The following CCP110 variants were observed in gnomAD, a reference collection of about 807,000 sequenced individuals.
The protein encoded by CCP110 is centriolar coiled-coil protein of 110 kDa.
Under a neutral mutation model 105.5 loss-of-function variants are expected in CCP110, and 43 were observed. That is an observed-to-expected ratio of 0.41 (90% CI 0.32 to 0.53). The LOEUF (loss-of-function observed/expected upper bound fraction) is 0.53, where lower values mean the gene tolerates loss of function less well. Among genes scored for constraint, CCP110 ranks in the 20% least tolerant of loss-of-function variants. The probability of loss-of-function intolerance (pLI) is 0.32; values close to 1 mark genes in which losing one functional copy is unlikely to be tolerated. For missense variants in CCP110, 1,016 were observed against 1,189.1 expected (o/e 0.85, Z 2.14); for synonymous variants, 353 against 392.1 (o/e 0.90, Z 1.18).
rs1209574697 is a variant in CCP110, at chr16:19,532,958, C to T, written c.270+414C>T. Among the ~76,000 whole-genome samples the T allele has an allele frequency of 2.6e-5, 4 of 152,216 alleles. No individual in the cohort carries two copies. In the South Asian group the frequency reaches 6.2e-4, roughly 24 times the overall value. On this transcript the variant is annotated intron_variant, in intron 3 of 14. Coordinates refer to ENST00000381396, the Ensembl canonical transcript of CCP110. The stretch of plus-strand genomic sequence containing the variant: ...CTCCAATTTTTTTTTGGTGAAAACT[C>T]TTAGATACACAAAATGCAGTTTAGA...
chr16:19,533,381 A>C (rs550899694), intron 3 of CCP110, among the ~76,000 whole-genome samples: 1 of 152,176 alleles, frequency 6.6e-6, no homozygotes, highest in African/African-American at 2.4e-5. Context: ...CAAAAGTTAC[A>C]GTAGAATCTG....
intron 1 of CCP110, chr16:19,524,715 T>C (rs924858183): frequency 2.6e-5 from 4 of 152,192 alleles, no homozygotes; most frequent in African/African-American, 9.7e-5. Context: ...GAGATTGATT[T>C]GACGGGGAGA....
exon 4 of CCP110, chr16:19,536,823 C>T (rs142177955): frequency 8.7e-6 from 14 of 1,613,940 alleles, no homozygotes; most frequent in South Asian, 3.3e-5. Context: ...ACATCATCAG[C>T]GTGTCATATA....
chr16:19,528,379 T>C (rs1969748214), intron 2 of CCP110, among the ~76,000 whole-genome samples: 1 of 152,200 alleles, frequency 6.6e-6, no homozygotes, highest in Non-Finnish European at 1.5e-5. Context: ...AAGAAATAAG[T>C]ACAAAGTTAC....
rs746455895 is a variant in CCP110 at position 19,542,691 on chromosome 16, A to G, written c.2298A>G (p.Ser766=). ...AAGCACCATTCTACCTCTGGGGATC[A>G]TCAACTAGTGGCTTGACCAAACTCT... is the stretch of plus-strand genomic sequence containing the variant. Residue 766 remains serine (S), a synonymous_variant, in exon 7 of 15, where the codon TCA becomes TCG. Transcript: ENST00000381396. 5 of 1,613,472 alleles carry G rather than the reference A, an allele frequency of 3.1e-6. No individual in the cohort carries two copies. The African/African-American group carries it at 6.7e-5, about 22-fold the overall frequency.
intron 1 of CCP110, 156 bp from the exon 2 acceptor site, chr16:19,527,711 A>G (rs1333233033): frequency 4.5e-6 from 2 of 440,414 alleles, no homozygotes; most frequent in Non-Finnish European, 7.9e-6. Context: ...GAATTACCAT[A>G]CCCAAGAATT....
At chr16:19,537,150 T>A in exon 4 of CCP110, 1 of 1,614,200 alleles carries the variant, frequency 6.2e-7, no homozygotes, top group Non-Finnish European at 8.5e-7. Context: ...GCACACATAA[T>A]GAACAGTACC....
chr16:19,528,120 T>C (rs962692006), intron 2 of CCP110, 98 bp downstream of exon 2: 2 of 970,038 alleles, frequency 2.1e-6, no homozygotes, highest in Non-Finnish European at 3.0e-6. Context: ...TTTGAAGAGA[T>C]GCCCTCATTC....
At chr16:19,541,647 GAGGAGAGA>G (rs1970284018) in intron 5 of CCP110, among the ~76,000 whole-genome samples, 1 of 70,978 alleles carries the variant, frequency 1.4e-5, no homozygotes. Flanking sequence ...AAGAGAGAGA[GAGGAGAGA>G]GAGAGAGAGA....
exon 4 of CCP110, chr16:19,536,860 T>C (rs1970083480): frequency 2.5e-6 from 4 of 1,614,008 alleles, no homozygotes; most frequent in Non-Finnish European, 3.4e-6. Context: ...TAAATGCCTG[T>C]GAATTAAGCC....
At chr16:19,530,752 G>A (rs1332760417) in intron 2 of CCP110, among the ~76,000 whole-genome samples, 1 of 151,778 alleles carries the variant, frequency 6.6e-6, no homozygotes, top group Non-Finnish European at 1.5e-5. Context: ...TCAGGAGTTC[G>A]AGACCAGCCT....
At chr16:19,542,572 A>G in intron 6 of CCP110, 49 bp from the exon 7 acceptor site, 2 of 1,398,968 alleles carry the variant, frequency 1.4e-6, no homozygotes, top group Non-Finnish European at 2.0e-6. Context: ...TGTTCTTCGT[A>G]TTCTAATTAT....
At chr16:19,543,378 T>C (rs1970354003) in intron 8 of CCP110, among the ~76,000 whole-genome samples, 1 of 152,230 alleles carries the variant, frequency 6.6e-6, no homozygotes, top group Non-Finnish European at 1.5e-5. Flanking sequence ...GTCTTTAATC[T>C]CTTAATCCTG....
intron 1 of CCP110, 45 bp from the exon 2 acceptor site, chr16:19,527,822 C>A: frequency 6.7e-7 from 1 of 1,501,068 alleles, no homozygotes; most frequent in Middle Eastern, 1.8e-4. Context: ...TAATTAAGAT[C>A]TGTTTTTCCC....
At chr16:19,532,305 A>G in intron 2 of CCP110, 111 bp from the exon 3 acceptor site, 1 of 795,104 alleles carries the variant, frequency 1.3e-6, no homozygotes, top group East Asian at 2.8e-5. Context: ...TTCTTTCACT[A>G]TACATTAGTT....
intron 2 of CCP110, among the ~76,000 whole-genome samples, chr16:19,531,243 G>A (rs142051566): frequency 8.5e-4 from 130 of 152,276 alleles, no homozygotes; most frequent in African/African-American, 2.5e-3. Context: ...CTATGACTCC[G>A]TCTGTTATTT....
chr16:19,524,412 C>T (rs1216412048), intron 1 of CCP110, among the ~76,000 whole-genome samples: 5 of 152,112 alleles, frequency 3.3e-5, no homozygotes, highest in Admixed American at 3.3e-4. Context: ...GGGCCAGAGC[C>T]GGAGAACCCC....
intron 14 of CCP110, among the ~76,000 whole-genome samples, chr16:19,550,209 T>C (rs1411225807): frequency 3.3e-5 from 5 of 151,938 alleles, no homozygotes; most frequent in African/African-American, 9.7e-5. Flanking sequence ...TGGAGTGCAT[T>C]GGTGTGATCT....
exon 15 of CCP110, chr16:19,551,227 G>T (rs947096223): frequency 1.2e-6 from 2 of 1,612,456 alleles, no homozygotes; most frequent in Non-Finnish European, 1.7e-6. Context: ...AAAGAAAGCG[G>T]CCAAATGTTG....
Sources: allele counts gnomAD v4.1 joint callset (sites outside exome capture counted in the v4.1 genomes callset), GRCh38; gene constraint gnomAD v4.1.1; transcripts MANE v1.5; gene names NCBI Gene and HGNC (gene_info 2026-07-23, HGNC 2026-07-21).